Variants in NPPC observed in about 807,000 individuals in gnomAD.
NPPC encodes natriuretic peptide C.
Under a neutral mutation model 10.2 loss-of-function variants are expected in NPPC, and 4 were observed. The observed-to-expected ratio is 0.39, with a 90% confidence interval of 0.19 to 0.90. The LOEUF (loss-of-function observed/expected upper bound fraction) is 0.90, where lower values mean the gene tolerates loss of function less well. Ranked by LOEUF, NPPC falls within the 40% of genes least tolerant of loss-of-function variation. The probability of loss-of-function intolerance (pLI) is 0.37; values close to 1 mark genes in which losing one functional copy is unlikely to be tolerated. For missense variants in NPPC, 182 were observed against 173.8 expected (o/e 1.05, Z -0.26); for synonymous variants, 83 against 87.3 (o/e 0.95, Z 0.27).
chr2:231,925,113 C>A (rs1691983375), intron 2 of NPPC, among the ~76,000 whole-genome samples: 1 of 152,222 alleles, frequency 6.6e-6, no homozygotes, highest in African/African-American at 2.4e-5. Flanking sequence ...GGGGCCAGTG[C>A]TGCTAGTTCA....
rs951446038 is a variant in NPPC at position 231,922,097 on chromosome 2, T to C, written c.*239A>G. 1 of 150,608 alleles carries C rather than the reference T, an allele frequency of 6.6e-6. No homozygotes were observed. Among genetic ancestry groups the C allele is most frequent in the African/African-American group, 2.4e-5 (1 of 41,210 alleles). The allele number at this position is 150,608 out of a possible 1,614,324, so 9.3% of individuals were successfully genotyped here. A position where few individuals can be genotyped will look rare whatever the true frequency, so the allele number is the denominator to read the frequency against. ...TTTCATGTATATAATATATATATAA[T>C]ATATAACTTTTTATTTTTCATTTTA... On this transcript the variant is annotated 3_prime_UTR_variant, in exon 3 of 3. Transcript: ENST00000409852.
chr2:231,922,386 G>A (rs543216784), intron 2 of NPPC, 71 bp from the exon 3 acceptor site: 1 of 152,260 alleles, frequency 6.6e-6, no homozygotes, highest in African/African-American at 2.4e-5. Context: ...AGGCAGGGTG[G>A]TTCTAGAACC....
intron 2 of NPPC, among the ~76,000 whole-genome samples, chr2:231,923,733 C>G (rs1691961959): frequency 6.6e-6 from 1 of 152,184 alleles, no homozygotes; most frequent in Non-Finnish European, 1.5e-5. Context: ...GTGGATTCCT[C>G]CTACACAGCA....
In NPPC at chr2:231,922,321, A is replaced by G. The variant is rs1691939802; in HGVS notation, c.*21-6T>C. The G allele has an allele frequency of 6.6e-6, 1 of 152,186 alleles. No individual in the cohort carries two copies. Among genetic ancestry groups the G allele is most frequent in the South Asian group, 2.1e-4 (1 of 4,824 alleles). The allele number at this position is 152,186 out of a possible 1,614,324, so 9.4% of individuals were successfully genotyped here. ...AACGGAGCCAGTTCCCGATCCTGAA[A>G]CACAGAGTGAACACGGGACGCTCAG... On this transcript the variant is annotated splice_polypyrimidine_tract_variant and splice_region_variant and intron_variant, in intron 2 of 2. Transcript: ENST00000409852.
Position 231,925,664 on chromosome 2 carries a change from C to CAAG in NPPC, c.141_142insCTT (p.Gly47_Gly48insLeu). On this transcript the variant is annotated inframe_insertion, in exon 2 of 3. Transcript: ENST00000409852. ...GCCTTGTCGCCCTTCTTCTGACCGC[C>CAAG]GCCCGCAGCCTGCGGCTCGGCCAGC... 1 of 1,600,668 alleles carries CAAG rather than the reference C, an allele frequency of 6.2e-7. No homozygotes were observed. Among genetic ancestry groups the CAAG allele is most frequent in the South Asian group, 1.1e-5 (1 of 89,464 alleles).
In NPPC at chr2:231,926,306, G is replaced by A. The variant is rs1362015025; in HGVS notation, c.-57C>T. ...CGGCAGCGAGGGCGCGCAGGTCGGC[G>A]GGCAGACCAGCAGGGGGATGCGGAG... On this transcript the variant is annotated 5_prime_UTR_variant, in exon 1 of 3. Transcript: ENST00000409852. The A allele has an allele frequency of 8.7e-7, 1 of 1,152,440 alleles. No individual in the cohort carries two copies. Among genetic ancestry groups the A allele is most frequent in the Non-Finnish European group, 1.1e-6 (1 of 904,156 alleles). The allele number at this position is 1,152,440 out of a possible 1,614,324, so 71.4% of individuals were successfully genotyped here. A position where few individuals can be genotyped will look rare whatever the true frequency, so the allele number is the denominator to read the frequency against.
intron 1 of NPPC, 44 bp downstream of exon 1, chr2:231,926,116 T>G: frequency 8.1e-7 from 1 of 1,238,326 alleles, no homozygotes. Flanking sequence ...GCCCCCAGCC[T>G]CCCACGCCTC....
In NPPC at chr2:231,925,452, G is replaced by T. The variant is rs200405363; in HGVS notation, c.354C>A (p.Ile118=). 1.4e-4 allele frequency: 229 copies of T among 1,609,468 alleles called. 1 individual carries two copies. The East Asian group carries it at 2.4e-3, about 17-fold the overall frequency. ...KGCFGLKLDR[I]GSMSGLGC Reference sequence around the variant, plus strand: ...AACATCCCAGGCCGCTCATGGAGCCGATTCGGTCCAGCTTGAGGCCGAAGC... The same window carrying T: ...AACATCCCAGGCCGCTCATGGAGCCTATTCGGTCCAGCTTGAGGCCGAAGC... The change falls in exon 2 of 3, where the codon ATC becomes ATA. Residue 118 remains isoleucine (I), a synonymous_variant. Transcript: ENST00000409852.
chr2:231,925,396 C>G lies in NPPC; in HGVS notation c.*20+9G>C. The G allele has an allele frequency of 1.9e-6, 3 of 1,573,302 alleles. No homozygotes were observed. The highest frequency in any genetic ancestry group is 2.6e-6 in the Non-Finnish European group (3 of 1,159,150). On this transcript the variant is annotated intron_variant, in intron 2 of 2. Coordinates refer to ENST00000409852, the MANE Select transcript of NPPC (RefSeq NM_024409.4). ...GGCTGGGGCTGGGCGTCGGGTGGGC[C>G]GTACTCACCGCCGCCAGGGGGCGCC...
chr2:231,923,396 A>C (rs1691957003), intron 2 of NPPC, among the ~76,000 whole-genome samples: 1 of 152,240 alleles, frequency 6.6e-6, no homozygotes. Flanking sequence ...CCACAACCTC[A>C]AAGAGTTTTC....
intron 2 of NPPC, among the ~76,000 whole-genome samples, chr2:231,922,542 GC>G (rs1691943412): frequency 6.6e-6 from 1 of 152,112 alleles, no homozygotes; most frequent in East Asian, 1.9e-4. Context: ...AGTGGAACCA[GC>G]GTGTCTGCAA....
chr2:231,921,928 A>T lies in NPPC; in HGVS notation c.*408T>A, dbSNP rs1304528744. The stretch of plus-strand genomic sequence containing the variant: ...TTACATAAATAAAATTTTTATAAAT[A>T]TCTCTTTATAAACAATATAAATAGC... On this transcript the variant is annotated 3_prime_UTR_variant, in exon 3 of 3. Transcript: ENST00000409852. 6.6e-6 allele frequency: 1 copy of T among 151,844 alleles called. No homozygotes were observed. Among genetic ancestry groups the T allele is most frequent in the Non-Finnish European group, 1.5e-5 (1 of 67,990 alleles). 9.4% of individuals were successfully genotyped at this position (151,844 alleles called of 1,614,324 possible). A position where few individuals can be genotyped will look rare whatever the true frequency, so the allele number is the denominator to read the frequency against.
chr2:231,924,807 A>G (rs1161226100), intron 2 of NPPC, among the ~76,000 whole-genome samples: 1 of 152,124 alleles, frequency 6.6e-6, no homozygotes, highest in African/African-American at 2.4e-5. Context: ...TGTCTTTCCT[A>G]TTCCCTGAAA....
intron 1 of NPPC, 53 bp from the exon 2 acceptor site, chr2:231,925,768 G>A (rs538538404): frequency 2.1e-6 from 3 of 1,459,008 alleles, no homozygotes; most frequent in Non-Finnish European, 2.7e-6. Context: ...CAGCACGGGG[G>A]ACTCTGATGC....
Position 231,926,271 on chromosome 2 carries a change from C to T in NPPC, c.-22G>A, listed in dbSNP as rs1301442478. 9.4e-6 allele frequency: 12 copies of T among 1,272,506 alleles called. No homozygotes were observed. The highest frequency in any genetic ancestry group is 1.2e-5 in the Non-Finnish European group (12 of 1,006,984). 78.8% of individuals were successfully genotyped at this position (1,272,506 alleles called of 1,614,324 possible). A position where few individuals can be genotyped will look rare whatever the true frequency, so the allele number is the denominator to read the frequency against. Reference sequence around the variant, plus strand: ...GCATGGTGCCGCTGGGGTCGAGGGGCGCACACGGGCGGCAGCGAGGGCGCG... The same window carrying T: ...GCATGGTGCCGCTGGGGTCGAGGGGTGCACACGGGCGGCAGCGAGGGCGCG... On this transcript the variant is annotated 5_prime_UTR_variant, in exon 1 of 3. Coordinates refer to ENST00000409852, the MANE Select transcript of NPPC (RefSeq NM_024409.4).
rs181124128 is a variant in NPPC, at chr2:231,922,171, C to G, written c.*165G>C. The G allele has an allele frequency of 4.6e-5, 7 of 151,240 alleles. No individual in the cohort carries two copies. In the East Asian group the frequency reaches 1.4e-3, roughly 29 times the overall value. 9.4% of individuals were successfully genotyped at this position (151,240 alleles called of 1,614,324 possible). ...ACCCCCTCCCCAAATAATAATAAAA[C>G]AGCTGGTGTTGTGTATTCCCAGTAC... On this transcript the variant is annotated 3_prime_UTR_variant, in exon 3 of 3. Transcript: ENST00000409852.
At chr2:231,924,203 C>G (rs1453987248) in intron 2 of NPPC, among the ~76,000 whole-genome samples, 1 of 152,240 alleles carries the variant, frequency 6.6e-6, no homozygotes, top group Admixed American at 6.5e-5. Context: ...TTCCACGAGT[C>G]TGTTCGGGGT....
chr2:231,926,315 A>G lies in NPPC; in HGVS notation c.-66T>C. The G allele has an allele frequency of 7.4e-6, 8 of 1,079,992 alleles. No homozygotes were observed. Among genetic ancestry groups the G allele is most frequent in the South Asian group, 3.7e-5 (1 of 26,824 alleles). The allele number at this position is 1,079,992 out of a possible 1,614,324, so 66.9% of individuals were successfully genotyped here. On this transcript the variant is annotated 5_prime_UTR_variant, in exon 1 of 3. Coordinates refer to ENST00000409852, the MANE Select transcript of NPPC (RefSeq NM_024409.4). ...GGGCGCGCAGGTCGGCGGGCAGACC[A>G]GCAGGGGGATGCGGAGCAGGCTGGC...
chr2:231,923,482 C>T (rs1691957902), intron 2 of NPPC, among the ~76,000 whole-genome samples: 1 of 152,202 alleles, frequency 6.6e-6, no homozygotes, highest in South Asian at 2.1e-4. Flanking sequence ...CAGGAGCCTG[C>T]AGGAATGATG....
Sources: allele counts gnomAD v4.1 joint callset (sites outside exome capture counted in the v4.1 genomes callset), GRCh38; gene constraint gnomAD v4.1.1; transcripts MANE v1.5; gene names NCBI Gene and HGNC (gene_info 2026-07-23, HGNC 2026-07-21).